The following NT5DC1 variants were observed in gnomAD, a reference collection of about 807,000 sequenced individuals.
NT5DC1 encodes 5'-nucleotidase domain-containing protein 1.
In NT5DC1, 42 loss-of-function variants were observed where a neutral mutation model predicts 59.4. That is an observed-to-expected ratio of 0.71 (90% CI 0.55 to 0.92). The LOEUF is 0.92. Among genes scored for constraint, NT5DC1 ranks in the 40% least tolerant of loss-of-function variants. NT5DC1 has a pLI of 0.00. For missense variants in NT5DC1, 501 were observed against 537.1 expected (o/e 0.93, Z 0.66); for synonymous variants, 172 against 188.1 (o/e 0.91, Z 0.70).
intron 8 of NT5DC1, among the ~76,000 whole-genome samples, chr6:116,233,982 T>G (rs1156628460): frequency 1.3e-5 from 2 of 148,450 alleles, no homozygotes; most frequent in Non-Finnish European, 3.0e-5. Context: ...TAACTGTTTT[T>G]TTTTTTTTTT....
intron 6 of NT5DC1, among the ~76,000 whole-genome samples, chr6:116,139,523 T>A (rs563918833): frequency 6.6e-6 from 1 of 152,196 alleles, no homozygotes; most frequent in East Asian, 1.9e-4. Flanking sequence ...GATATTGAAC[T>A]GCATTTAAAA....
At chr6:116,197,458 A>G (rs1781257606) in intron 6 of NT5DC1, among the ~76,000 whole-genome samples, 1 of 152,032 alleles carries the variant, frequency 6.6e-6, no homozygotes, top group African/African-American at 2.4e-5. Flanking sequence ...CCGGTCAAGA[A>G]TCAACATTCT....
intron 6 of NT5DC1, among the ~76,000 whole-genome samples, chr6:116,188,142 G>A (rs955701602): frequency 2.6e-5 from 4 of 151,978 alleles, no homozygotes; most frequent in African/African-American, 9.7e-5. Context: ...GTTCAATGAG[G>A]TACCACTAGA....
At chr6:116,194,919 A>G (rs113616140) in intron 6 of NT5DC1, among the ~76,000 whole-genome samples, 33 of 152,200 alleles carry the variant, frequency 2.2e-4, no homozygotes, top group African/African-American at 7.9e-4. Context: ...ACTGATAACC[A>G]AAAGTCATAG....
intron 6 of NT5DC1, among the ~76,000 whole-genome samples, chr6:116,159,232 G>T (rs192190282): frequency 1.3e-5 from 2 of 151,898 alleles, no homozygotes; most frequent in Non-Finnish European, 2.9e-5. Flanking sequence ...TTTTTATTCT[G>T]CATTACTCCT....
chr6:116,226,276 G>A lies in NT5DC1; in HGVS notation c.802+3145G>A, dbSNP rs117882060. Among the ~76,000 whole-genome samples the A allele has an allele frequency of 5.3e-5, 8 of 151,952 alleles. No homozygotes were observed. The South Asian group carries it at 1.0e-3, about 20-fold the overall frequency. ...TTGTTTTTATTTTTATTTTTGTGGGGTTTGCATATTTTGTTCCAAGAAAAT... is the reference window on the plus strand; with the variant it reads ...TTGTTTTTATTTTTATTTTTGTGGGATTTGCATATTTTGTTCCAAGAAAAT... On this transcript the variant is annotated intron_variant, in intron 8 of 11. Coordinates refer to ENST00000319550, the MANE Select transcript of NT5DC1 (RefSeq NM_152729.3).
At chr6:116,190,461 T>G (rs1250414314) in intron 6 of NT5DC1, among the ~76,000 whole-genome samples, 1 of 151,872 alleles carries the variant, frequency 6.6e-6, no homozygotes, top group African/African-American at 2.4e-5. Flanking sequence ...AGGAAGACAG[T>G]AGATAGGTTA....
At chr6:116,172,830 A>T (rs1045070332) in intron 6 of NT5DC1, among the ~76,000 whole-genome samples, 5 of 152,212 alleles carry the variant, frequency 3.3e-5, no homozygotes, top group Admixed American at 2.0e-4. Context: ...GACCTTTAGG[A>T]AAATCTACTC....
intron 6 of NT5DC1, chr6:116,145,450 C>G (rs907899804): frequency 2.6e-6 from 1 of 388,352 alleles, no homozygotes; most frequent in African/African-American, 2.0e-5. Flanking sequence ...AGAAGATTGG[C>G]CACATCCTTG....
intron 6 of NT5DC1, chr6:116,121,817 G>T (rs538524572): frequency 1.2e-6 from 2 of 1,613,922 alleles, no homozygotes; most frequent in Admixed American, 1.7e-5. Flanking sequence ...TGATGGTCCC[G>T]GTGGTCCTGG....
chr6:116,212,746 C>T (rs1781604705), intron 6 of NT5DC1, among the ~76,000 whole-genome samples: 2 of 152,060 alleles, frequency 1.3e-5, no homozygotes, highest in African/African-American at 4.8e-5. Context: ...CTGCTATAAT[C>T]ACTCTGTATT....
intron 10 of NT5DC1, 70 bp downstream of exon 10, chr6:116,238,418 C>A: frequency 9.0e-6 from 8 of 891,376 alleles, no homozygotes; most frequent in East Asian, 3.6e-5. Flanking sequence ...TATCTTTATA[C>A]TACTTGACTC....
At chr6:116,201,593 T>A (rs1222138983) in intron 6 of NT5DC1, among the ~76,000 whole-genome samples, 1 of 152,014 alleles carries the variant, frequency 6.6e-6, no homozygotes, top group Non-Finnish European at 1.5e-5. Flanking sequence ...AAGTCTTGGT[T>A]AATATAAAGA....
At chr6:116,196,292 A>G (rs1781225852) in intron 6 of NT5DC1, among the ~76,000 whole-genome samples, 1 of 152,050 alleles carries the variant, frequency 6.6e-6, no homozygotes, top group Non-Finnish European at 1.5e-5. Flanking sequence ...GTTATTTCCT[A>G]AAAGTACATT....
intron 6 of NT5DC1, among the ~76,000 whole-genome samples, chr6:116,133,290 C>G (rs1164075542): frequency 6.6e-6 from 1 of 152,174 alleles, no homozygotes; most frequent in African/African-American, 2.4e-5. Flanking sequence ...AGTTCCTACT[C>G]TGTTTACAAC....
At position 116,204,697 on chromosome 6, in the gene NT5DC1, C is replaced by T. The variant is rs537412829; in HGVS notation, c.530-16357C>T. On this transcript the variant is annotated intron_variant, in intron 6 of 11. Transcript: ENST00000319550. ...CTCCAGAATTTATAATGAAAAAAATCACCAAAGTACTGTTGTATTCATATG... is the reference window on the plus strand; with the variant it reads ...CTCCAGAATTTATAATGAAAAAAATTACCAAAGTACTGTTGTATTCATATG... 4.6e-5 allele frequency among the ~76,000 whole-genome samples: 7 copies of T among 151,962 alleles called. No homozygotes were observed. The East Asian group carries it at 1.4e-3, about 30-fold the overall frequency.
intron 8 of NT5DC1, among the ~76,000 whole-genome samples, chr6:116,232,691 TTCAAGG>T (rs1280801475): frequency 1.3e-5 from 2 of 152,212 alleles, no homozygotes; most frequent in Non-Finnish European, 2.9e-5. Flanking sequence ...CTTAGCTTTA[TTCAAGG>T]CTGTCAGTCT....
chr6:116,202,349 C>A (rs1193755956), intron 6 of NT5DC1, among the ~76,000 whole-genome samples: 1 of 151,940 alleles, frequency 6.6e-6, no homozygotes, highest in Non-Finnish European at 1.5e-5. Flanking sequence ...TTTTGGCCCA[C>A]TTAAATCTAA....
intron 5 of NT5DC1, among the ~76,000 whole-genome samples, chr6:116,116,295 A>C (rs531467479): frequency 6.6e-6 from 1 of 152,328 alleles, no homozygotes; most frequent in East Asian, 1.9e-4. Context: ...ACCTATGAAC[A>C]TCAAACAGAT....
Sources: gnomAD v4.1 joint callset for allele counts (sites outside exome capture counted in the v4.1 genomes callset) on GRCh38, gnomAD v4.1.1 for gene constraint, MANE v1.5 for transcripts, NCBI Gene and HGNC (gene_info 2026-07-23, HGNC 2026-07-21) for gene names.